Variants in KLRG1 observed in about 807,000 individuals in gnomAD.
The protein encoded by KLRG1 is killer cell lectin like receptor G1.
A neutral mutation model predicts 21.8 loss-of-function variants in KLRG1; 16 were observed. The observed-to-expected ratio is 0.73, with a 90% CI of 0.50 to 1.11. The LOEUF is 1.11. Ranked by LOEUF, KLRG1 falls within the 50% of genes most tolerant of loss-of-function variation. The probability of loss-of-function intolerance (pLI) is 0.00; values close to 1 mark genes in which losing one functional copy is unlikely to be tolerated. For synonymous variants in KLRG1, 69 were observed against 75.9 expected, an observed-to-expected ratio of 0.91 and a Z score of 0.47; for missense variants, 173 against 218.3, an observed-to-expected ratio of 0.79 and a Z score of 1.31.
the KLRG1 span, among the ~76,000 whole-genome samples, chr12:9,081,062 T>TAA: frequency 6.6e-6 from 1 of 151,904 alleles, no homozygotes; most frequent in Non-Finnish European, 1.5e-5. Flanking sequence ...AAAACTTTTG[T>TAA]AAAAAAACAG....
At chr12:8,999,310 C>T (rs1766617716) in intron 3 of KLRG1, among the ~76,000 whole-genome samples, 1 of 152,126 alleles carries the variant, frequency 6.6e-6, no homozygotes, top group Admixed American at 6.5e-5. Context: ...AGTATGCATT[C>T]GTTAGTGAGT....
chr12:9,213,493 C>T, the KLRG1 span, among the ~76,000 whole-genome samples: 4 of 151,974 alleles, frequency 2.6e-5, no homozygotes, highest in African/African-American at 9.7e-5. Context: ...ATTTGTTATT[C>T]TGTCTATATT....
At chr12:9,099,554 T>C in the KLRG1 span, 1 of 1,589,306 alleles carries the variant, frequency 6.3e-7, no homozygotes, top group Non-Finnish European at 8.6e-7. Flanking sequence ...GAGGAAGCCA[T>C]CATAGGTTAA....
At chr12:9,162,739 AC>A in the KLRG1 span, 1 of 1,038,386 alleles carries the variant, frequency 9.6e-7, no homozygotes, top group Non-Finnish European at 1.4e-6. Context: ...GGTAGGGTTT[AC>A]ACGAATGATG....
chr12:9,057,669 T>G, the KLRG1 span: 1 of 152,620 alleles, frequency 6.6e-6, no homozygotes, highest in Non-Finnish European at 1.5e-5. Flanking sequence ...TCAGCTTTCT[T>G]ATGGGGTTGT....
At chr12:9,040,437 A>T in the KLRG1 span, among the ~76,000 whole-genome samples, 1 of 152,288 alleles carries the variant, frequency 6.6e-6, no homozygotes, top group East Asian at 1.9e-4. Flanking sequence ...GATGGTTTGG[A>T]TCTATAAGAA....
At chr12:9,077,507 C>T in the KLRG1 span, 22 of 1,473,966 alleles carry the variant, frequency 1.5e-5, no homozygotes, top group Admixed American at 1.9e-5. Context: ...TCATGGAATT[C>T]ATCCTTACCC....
the KLRG1 span, among the ~76,000 whole-genome samples, chr12:9,134,462 G>C: frequency 3.9e-5 from 6 of 152,194 alleles, no homozygotes; most frequent in East Asian, 1.2e-3. Flanking sequence ...CAAATTGTAA[G>C]TGTACAATAT....
chr12:8,975,186 C>CA (rs1946638713), intron 1 of KLRG1, among the ~76,000 whole-genome samples: 1 of 152,094 alleles, frequency 6.6e-6, no homozygotes, highest in Non-Finnish European at 1.5e-5. Context: ...AGGTATGAGC[C>CA]ACCACACCCA....
the KLRG1 span, among the ~76,000 whole-genome samples, chr12:9,103,402 A>G: frequency 6.6e-6 from 1 of 152,128 alleles, no homozygotes; most frequent in Non-Finnish European, 1.5e-5. Flanking sequence ...CACACTTTTC[A>G]AAAAAGTTAT....
chr12:8,963,823 A>G (rs1200037101), intron 1 of KLRG1, among the ~76,000 whole-genome samples: 1 of 152,172 alleles, frequency 6.6e-6, no homozygotes, highest in East Asian at 1.9e-4. Context: ...TTATTTGCAT[A>G]GAGGTGTTTA....
At chr12:8,951,695 T>TA (rs2137187994) in intron 1 of KLRG1, among the ~76,000 whole-genome samples, 1 of 152,298 alleles carries the variant, frequency 6.6e-6, no homozygotes, top group East Asian at 1.9e-4. Flanking sequence ...ATCTTGGGGA[T>TA]ACAGCAGAGA....
At chr12:9,042,233 T>A in the KLRG1 span, among the ~76,000 whole-genome samples, 1 of 152,238 alleles carries the variant, frequency 6.6e-6, no homozygotes, top group Admixed American at 6.5e-5. Context: ...ACTGCTCAGT[T>A]TTCAACTAGA....
the KLRG1 span, chr12:9,027,447 G>T: frequency 1.5e-6 from 1 of 652,000 alleles, no homozygotes; most frequent in South Asian, 1.5e-5. Context: ...CACTGTGCTT[G>T]GCTGAGTTCA....
At chr12:9,102,538 C>T in the KLRG1 span, among the ~76,000 whole-genome samples, 3 of 152,070 alleles carry the variant, frequency 2.0e-5, no homozygotes, top group Non-Finnish European at 2.9e-5. Context: ...TTTTAATGCT[C>T]CCTGCAATCT....
chr12:8,989,673 C>G lies in KLRG1; in HGVS notation c.38C>G (p.Pro13Arg), dbSNP rs1174352159. The G allele has an allele frequency of 6.2e-7, 1 of 1,610,880 alleles. No homozygotes were observed. The highest frequency in any genetic ancestry group is 8.5e-7 in the Non-Finnish European group (1 of 1,178,214). ...GTTATTTATTCCATGTTAGAGTTGC[C>G]TACGGCAACCCAAGCCCAGAATGAC... ...DSVIYSMLELPTATQAQNDYG... is the reference protein window; with the variant it reads ...DSVIYSMLELRTATQAQNDYG... Residue 13 changes from proline to arginine, a missense_variant, in exon 1 of 5, where the codon CCT becomes CGT. Physicochemically the swap from Pro to Arg is moderately radical, Grantham distance 103. Around this residue, in one of 3 missense-constraint regions of KLRG1, gnomAD observed 144 missense variants for 161.5 expected, o/e 0.89. Coordinates refer to ENST00000356986, the MANE Select transcript of KLRG1 (RefSeq NM_005810.4).
At chr12:9,135,577 A>G in the KLRG1 span, 1 of 338,778 alleles carries the variant, frequency 3.0e-6, no homozygotes, top group Non-Finnish European at 5.5e-6. Context: ...AAACTACAGT[A>G]TGATGACTGT....
At chr12:9,031,957 G>T in the KLRG1 span, among the ~76,000 whole-genome samples, 60 of 152,318 alleles carry the variant, frequency 3.9e-4, no homozygotes, top group African/African-American at 1.4e-3. Flanking sequence ...CAAAGTGTTG[G>T]CAGGGATGGT....
At chr12:9,100,050 A>G in the KLRG1 span, among the ~76,000 whole-genome samples, 2 of 152,194 alleles carry the variant, frequency 1.3e-5, no homozygotes, top group Non-Finnish European at 2.9e-5. Flanking sequence ...GAGAGAGTAG[A>G]TTACTGATAC....
Sources: gnomAD v4.1 joint callset for allele counts (sites outside exome capture counted in the v4.1 genomes callset) on GRCh38, gnomAD v4.1.1 for gene constraint, gnomAD v4.1.1 regional missense constraint, MANE v1.5 for transcripts, NCBI Gene and HGNC (gene_info 2026-07-23, HGNC 2026-07-21) for gene names.